ACVR2A: variants seen among roughly 807,000 people sequenced by gnomAD.
ACVR2A encodes the protein activin A receptor type 2A.
Under a neutral mutation model 61.4 loss-of-function variants are expected in ACVR2A, and 7 were observed. The observed-to-expected ratio is 0.11, with a 90% CI of 0.06 to 0.21. The LOEUF (loss-of-function observed/expected upper bound fraction) is 0.21. Among genes scored for constraint, ACVR2A ranks in the 10% least tolerant of loss-of-function variants. The pLI is 1.00. For missense variants in ACVR2A, 322 were observed against 621.7 expected (o/e 0.52, Z 5.13); for synonymous variants, 193 against 208.3 (o/e 0.93, Z 0.63).
At chr2:147,865,746 G>T (rs960695118) in intron 1 of ACVR2A, among the ~76,000 whole-genome samples, 1 of 152,224 alleles carries the variant, frequency 6.6e-6, no homozygotes, top group Non-Finnish European at 1.5e-5. Flanking sequence ...ACAACTGGGA[G>T]AAGAGATGAA....
chr2:147,922,586 G>T (rs891856844), intron 8 of ACVR2A, among the ~76,000 whole-genome samples: 1 of 151,982 alleles, frequency 6.6e-6, no homozygotes, highest in Non-Finnish European at 1.5e-5. Context: ...CCTTTACTTA[G>T]CTAATTCTTT....
intron 1 of ACVR2A, among the ~76,000 whole-genome samples, chr2:147,862,962 C>T (rs1402583202): frequency 6.6e-6 from 1 of 152,108 alleles, no homozygotes; most frequent in Non-Finnish European, 1.5e-5. Flanking sequence ...AGCATGCTCC[C>T]TGCTAAGTGC....
At chr2:147,875,058 G>A (rs1434550414) in intron 1 of ACVR2A, among the ~76,000 whole-genome samples, 1 of 151,842 alleles carries the variant, frequency 6.6e-6, no homozygotes, top group Non-Finnish European at 1.5e-5. Context: ...TTGTGTAGAG[G>A]CGAAGCGGGA....
Position 147,920,941 on chromosome 2 carries a change from A to G in ACVR2A, c.1077+597A>G, listed in dbSNP as rs186779222. On this transcript the variant is annotated intron_variant, in intron 8 of 10. Transcript: ENST00000241416. ...GTAATGGGAACCTCTAGGAAGGCCA[A>G]AAGGGAAAAGAACATTATCCATACA... Among the ~76,000 whole-genome samples, 11 of 152,330 alleles carry G rather than the reference A, an allele frequency of 7.2e-5. No homozygotes were observed. The East Asian group carries it at 1.7e-3, about 24-fold the overall frequency.
intron 4 of ACVR2A, among the ~76,000 whole-genome samples, chr2:147,906,291 A>G (rs889768947): frequency 6.6e-6 from 1 of 152,064 alleles, no homozygotes; most frequent in African/African-American, 2.4e-5. Flanking sequence ...TTTTTGCTTA[A>G]CCGCTCACTC....
intron 1 of ACVR2A, among the ~76,000 whole-genome samples, chr2:147,892,976 C>G (rs899465425): frequency 2.4e-4 from 36 of 151,922 alleles, no homozygotes; most frequent in African/African-American, 7.2e-4. Context: ...AATATATGAA[C>G]CATACATATT....
chr2:147,875,601 A>G (rs532032196), intron 1 of ACVR2A, among the ~76,000 whole-genome samples: 3 of 152,062 alleles, frequency 2.0e-5, no homozygotes, highest in African/African-American at 4.8e-5. Context: ...GATGATTTTG[A>G]TGGAGGTTGT....
intron 1 of ACVR2A, among the ~76,000 whole-genome samples, chr2:147,853,750 G>A (rs1254838501): frequency 6.6e-6 from 1 of 152,008 alleles, no homozygotes; most frequent in Non-Finnish European, 1.5e-5. Flanking sequence ...AGCTTAGAGG[G>A]AGGAGTTTTC....
At chr2:147,919,398 T>G (rs1202388174) in intron 7 of ACVR2A, among the ~76,000 whole-genome samples, 1 of 152,160 alleles carries the variant, frequency 6.6e-6, no homozygotes, top group Non-Finnish European at 1.5e-5. Context: ...TTGCCCTACC[T>G]GGTCACATAG....
rs1373961272 is a variant in ACVR2A at position 147,899,566 on chromosome 2, G to C, written c.372G>C (p.Gln124His). Residue 124 changes from glutamine to histidine, a missense_variant and splice_region_variant, in exon 3 of 11, where the codon CAG (glutamine) becomes CAC (histidine). Coordinates refer to ENST00000241416, the MANE Select transcript of ACVR2A (RefSeq NM_001616.5). ...FSYFPEMEVT[Q>H]PTSNPVTPKP... ...ATTTTCCGGAGATGGAAGTCACACA[G>C]CGTAAGTTCACAGGGAAAATACGTA... is the stretch of plus-strand genomic sequence containing the variant. 6.2e-7 allele frequency: 1 copy of C among 1,611,138 alleles called. No homozygotes were observed. Among genetic ancestry groups the C allele is most frequent in the South Asian group, 1.1e-5 (1 of 90,730 alleles).
intron 1 of ACVR2A, among the ~76,000 whole-genome samples, chr2:147,868,603 CTGTTA>C (rs1398259429): frequency 6.6e-6 from 1 of 150,596 alleles, no homozygotes; most frequent in Non-Finnish European, 1.5e-5. Flanking sequence ...ATTTCTGTTT[CTGTTA>C]TATTTTATTT....
At chr2:147,849,432 A>G (rs1685395930) in intron 1 of ACVR2A, among the ~76,000 whole-genome samples, 2 of 152,116 alleles carry the variant, frequency 1.3e-5, no homozygotes, top group African/African-American at 2.4e-5. Flanking sequence ...TTGTCTAGCT[A>G]ACTTTAATTT....
At chr2:147,859,043 T>C (rs1685658224) in intron 1 of ACVR2A, among the ~76,000 whole-genome samples, 1 of 152,144 alleles carries the variant, frequency 6.6e-6, no homozygotes, top group Non-Finnish European at 1.5e-5. Context: ...TTAAAAAACT[T>C]TGTTCGGGAG....
At chr2:147,901,262 TATA>T (rs971655503) in intron 4 of ACVR2A, among the ~76,000 whole-genome samples, 1 of 152,028 alleles carries the variant, frequency 6.6e-6, no homozygotes, top group Non-Finnish European at 1.5e-5. Flanking sequence ...TATTCAGTAT[TATA>T]ATAGTTTCCT....
intron 1 of ACVR2A, among the ~76,000 whole-genome samples, chr2:147,888,533 A>G (rs532990293): frequency 5.5e-4 from 84 of 152,280 alleles, no homozygotes; most frequent in African/African-American, 1.9e-3. Context: ...TTTTCTTCAG[A>G]GCAACCGTAA....
At chr2:147,856,099 A>C (rs1455450813) in intron 1 of ACVR2A, among the ~76,000 whole-genome samples, 1 of 152,214 alleles carries the variant, frequency 6.6e-6, no homozygotes, top group Admixed American at 6.5e-5. Flanking sequence ...TTAGGCTATT[A>C]GTTTTACTCA....
chr2:147,889,475 T>G (rs1463047649), intron 1 of ACVR2A, among the ~76,000 whole-genome samples: 1 of 152,194 alleles, frequency 6.6e-6, no homozygotes, highest in African/African-American at 2.4e-5. Context: ...CCGGGCGCAG[T>G]GGCTCACGCC....
intron 4 of ACVR2A, among the ~76,000 whole-genome samples, chr2:147,901,960 A>G (rs1386358661): frequency 5.3e-5 from 8 of 151,994 alleles, no homozygotes; most frequent in Non-Finnish European, 1.0e-4. Context: ...TTTATCTTCT[A>G]TTTCAAAATA....
At chr2:147,885,339 C>T (rs1686404526) in intron 1 of ACVR2A, among the ~76,000 whole-genome samples, 1 of 152,034 alleles carries the variant, frequency 6.6e-6, no homozygotes, top group African/African-American at 2.4e-5. Flanking sequence ...TATAGAAGAG[C>T]TTGAAATGAT....
Sources: gnomAD v4.1 joint callset for allele counts (sites outside exome capture counted in the v4.1 genomes callset) on GRCh38, gnomAD v4.1.1 for gene constraint, MANE v1.5 for transcripts, NCBI Gene and HGNC (gene_info 2026-07-23, HGNC 2026-07-21) for gene names.